The following HMGCLL1 variants were observed in gnomAD, a reference collection of about 807,000 sequenced individuals.
HMGCLL1 encodes 3-hydroxymethyl-3-methylglutaryl-CoA lyase, cytoplasmic.
HMGCLL1 carries 36 observed loss-of-function variants against 39.1 expected under a neutral mutation model. The ratio of observed to expected loss-of-function variants is 0.92; its 90% CI spans 0.71 to 1.22. The LOEUF (loss-of-function observed/expected upper bound fraction) is 1.22. Among genes scored for constraint, HMGCLL1 ranks in the 50% most tolerant of loss-of-function variants. The probability of loss-of-function intolerance (pLI) is 0.00; values close to 1 mark genes in which losing one functional copy is unlikely to be tolerated. For synonymous variants in HMGCLL1, 149 were observed against 144.0 expected (o/e 1.03, Z -0.25); for missense variants, 451 against 416.5 (o/e 1.08, Z -0.72).
chr6:55,550,905 A>G (rs1037484189), intron 1 of HMGCLL1, among the ~76,000 whole-genome samples: 4 of 151,726 alleles, frequency 2.6e-5, no homozygotes, highest in African/African-American at 9.7e-5. Context: ...CAAAATCCAT[A>G]GTGTTAAGGT....
At chr6:55,610,345 C>T in the HMGCLL1 span, among the ~76,000 whole-genome samples, 1 of 151,746 alleles carries the variant, frequency 6.6e-6, no homozygotes, top group Non-Finnish European at 1.5e-5. Context: ...CATAAATGAC[C>T]TGATGGAGGT....
At chr6:55,488,607 C>T (rs1299732389) in intron 7 of HMGCLL1, among the ~76,000 whole-genome samples, 1 of 151,870 alleles carries the variant, frequency 6.6e-6, no homozygotes, top group African/African-American at 2.4e-5. Context: ...ATATTATGCT[C>T]TCTATTGAAG....
chr6:55,443,331 G>T (rs371739406), intron 7 of HMGCLL1, among the ~76,000 whole-genome samples: 7 of 152,154 alleles, frequency 4.6e-5, no homozygotes, highest in Non-Finnish European at 1.0e-4. Flanking sequence ...CAGCCGGATA[G>T]ATGAGAAATG....
the HMGCLL1 span, among the ~76,000 whole-genome samples, chr6:55,627,414 T>C: frequency 6.6e-6 from 1 of 152,054 alleles, no homozygotes; most frequent in African/African-American, 2.4e-5. Context: ...ACATTAGGCG[T>C]AATTATAACC....
At chr6:55,650,088 T>TAC in the HMGCLL1 span, among the ~76,000 whole-genome samples, 3 of 54,774 alleles carry the variant, frequency 5.5e-5, no homozygotes, top group Admixed American at 2.5e-4. Context: ...CACACACATA[T>TAC]ACATATATAT....
chr6:55,618,234 T>G, the HMGCLL1 span, among the ~76,000 whole-genome samples: 1 of 151,992 alleles, frequency 6.6e-6, no homozygotes, highest in South Asian at 2.1e-4. Flanking sequence ...TTGCTTGACC[T>G]GGGAGATATT....
At chr6:55,605,614 A>C in the HMGCLL1 span, among the ~76,000 whole-genome samples, 5 of 152,054 alleles carry the variant, frequency 3.3e-5, no homozygotes, top group African/African-American at 1.2e-4. Flanking sequence ...CTAAAAACTC[A>C]TTTTCATATA....
chr6:55,670,540 A>G, the HMGCLL1 span, among the ~76,000 whole-genome samples: 1 of 151,970 alleles, frequency 6.6e-6, no homozygotes, highest in East Asian at 1.9e-4. Context: ...ATGTAGATGT[A>G]ATGAATAAGA....
intron 7 of HMGCLL1, among the ~76,000 whole-genome samples, chr6:55,483,349 T>A (rs1765840693): frequency 6.6e-6 from 1 of 152,200 alleles, no homozygotes; most frequent in African/African-American, 2.4e-5. Context: ...CACTGCAACC[T>A]CTGCCTCCCA....
intron 3 of HMGCLL1, among the ~76,000 whole-genome samples, chr6:55,520,843 C>T (rs1367869778): frequency 1.3e-5 from 2 of 150,322 alleles, no homozygotes; most frequent in African/African-American, 4.9e-5. Context: ...CACCAGCACA[C>T]AGTCTGGAAA....
the HMGCLL1 span, among the ~76,000 whole-genome samples, chr6:55,652,501 G>A: frequency 6.6e-6 from 1 of 152,098 alleles, no homozygotes; most frequent in Admixed American, 6.6e-5. Flanking sequence ...AAACTGCTAT[G>A]AGAATAGAGA....
the HMGCLL1 span, among the ~76,000 whole-genome samples, chr6:55,677,830 C>T: frequency 1.3e-5 from 2 of 152,104 alleles, no homozygotes; most frequent in South Asian, 2.1e-4. Flanking sequence ...TTTATTTCAC[C>T]TAATTTTCAC....
chr6:55,618,818 A>C, the HMGCLL1 span, among the ~76,000 whole-genome samples: 1 of 152,120 alleles, frequency 6.6e-6, no homozygotes, highest in Non-Finnish European at 1.5e-5. Flanking sequence ...AAAAGAACCA[A>C]AAGCTAAACA....
the HMGCLL1 span, among the ~76,000 whole-genome samples, chr6:55,639,571 A>G: frequency 6.6e-6 from 1 of 152,012 alleles, no homozygotes; most frequent in African/African-American, 2.4e-5. Context: ...TATCATAAAG[A>G]CAGGCAGTGC....
chr6:55,517,122 T>C (rs937628245), intron 3 of HMGCLL1, among the ~76,000 whole-genome samples: 10 of 152,084 alleles, frequency 6.6e-5, no homozygotes, highest in African/African-American at 2.4e-4. Context: ...TAGTTAGTAA[T>C]AGTTATAAAG....
the HMGCLL1 span, among the ~76,000 whole-genome samples, chr6:55,585,251 C>G: frequency 6.6e-6 from 1 of 152,058 alleles, no homozygotes; most frequent in African/African-American, 2.4e-5. Context: ...CCACATTTAT[C>G]CAGATGTAGG....
rs1767736967 is a variant in HMGCLL1 at position 55,516,382 on chromosome 6, CATGTTAGTACAT to C, written c.393+114_393+125del. On this transcript the variant is annotated intron_variant, in intron 4 of 8. Coordinates refer to ENST00000274901, the MANE Select transcript of HMGCLL1 (RefSeq NM_001042406.2). The stretch of plus-strand genomic sequence containing the variant: ...GTGAGGACTTGGAGCTCTATGTCTT[CATGTTAGTACAT>C]TAGCATAGTATTTGTATTACAGATG... 1.5e-5 allele frequency: 8 copies of C among 520,848 alleles called. No homozygotes were observed. In the East Asian group the frequency reaches 2.3e-4, roughly 15 times the overall value. The allele number at this position is 520,848 out of a possible 1,614,324, so 32.3% of individuals were successfully genotyped here.
the HMGCLL1 span, among the ~76,000 whole-genome samples, chr6:55,651,922 A>G: frequency 1.8e-4 from 28 of 152,150 alleles, no homozygotes; most frequent in African/African-American, 2.4e-4. Flanking sequence ...CTCCCTTCCC[A>G]AAGTGCACAG....
upstream of HMGCLL1, among the ~76,000 whole-genome samples, chr6:55,583,791 T>C (rs190146733): frequency 3.7e-3 from 559 of 152,296 alleles, 1 homozygote; most frequent in Middle Eastern, 0.034. Context: ...GGATATCTAA[T>C]GGATTTAATT....
Sources: allele counts gnomAD v4.1 joint callset (sites outside exome capture counted in the v4.1 genomes callset), GRCh38; gene constraint gnomAD v4.1.1; transcripts MANE v1.5; gene names NCBI Gene and HGNC (gene_info 2026-07-23, HGNC 2026-07-21).